Variants in DIRAS2 observed in about 807,000 individuals in gnomAD.
DIRAS2 encodes DIRAS family GTPase 2.
Under a neutral mutation model 13.9 loss-of-function variants are expected in DIRAS2, and 5 were observed. The ratio of observed to expected loss-of-function variants is 0.36; its 90% CI spans 0.19 to 0.76. The LOEUF (loss-of-function observed/expected upper bound fraction) is 0.76. Among genes scored for constraint, DIRAS2 ranks in the 30% least tolerant of loss-of-function variants. The probability of loss-of-function intolerance (pLI) is 0.53; values close to 1 mark genes in which losing one functional copy is unlikely to be tolerated. For missense variants in DIRAS2, 191 were observed against 263.0 expected (o/e 0.73, Z 1.89); for synonymous variants, 111 against 105.4 (o/e 1.05, Z -0.33).
At chr9:90,615,059 G>A (rs1406905297) in intron 1 of DIRAS2, among the ~76,000 whole-genome samples, 1 of 152,212 alleles carries the variant, frequency 6.6e-6, no homozygotes, top group Non-Finnish European at 1.5e-5. Context: ...ATTCTTCTCA[G>A]CAAGCAGGCA....
rs1163700163 is a variant in DIRAS2, at chr9:90,613,768, C to G, written c.60G>C (p.Lys20Asn). The G allele has an allele frequency of 6.2e-7, 1 of 1,614,066 alleles. No individual in the cohort carries two copies. Among genetic ancestry groups the G allele is most frequent in the African/African-American group, 1.3e-5 (1 of 74,926 alleles). Residue 20 changes from lysine to asparagine, a missense_variant, in exon 2 of 2, where the codon AAG (lysine) becomes AAC (asparagine). By Grantham distance (94) the Lys-to-Asn change is moderately conservative. Coordinates refer to ENST00000375765, the MANE Select transcript of DIRAS2 (RefSeq NM_017594.5). This position sits in a 1 kb window ranked among gnomAD's most constrained non-coding sequence, Gnocchi z 5.6. ...TCACAAACCTCAACACCAGGGAGCT[C>G]TTGCCAACACCGCCAGCCCCAAACA... The part of the protein sequence containing the change: ...VAVFGAGGVG[K>N]SSLVLRFVKG...
intron 1 of DIRAS2, among the ~76,000 whole-genome samples, chr9:90,624,922 T>G (rs2118560340): frequency 1.3e-5 from 2 of 152,290 alleles, no homozygotes; most frequent in East Asian, 3.9e-4. Context: ...CCCCCACACC[T>G]GGCCGCTTAA....
chr9:90,638,722 T>C (rs1825393012), intron 1 of DIRAS2, among the ~76,000 whole-genome samples: 1 of 135,992 alleles, frequency 7.4e-6, no homozygotes, highest in South Asian at 2.7e-4. Flanking sequence ...TCTAAGTTTG[T>C]ACAAAAATGG....
chr9:90,640,982 G>A (rs1825413815), intron 1 of DIRAS2, among the ~76,000 whole-genome samples: 1 of 152,052 alleles, frequency 6.6e-6, no homozygotes, highest in African/African-American at 2.4e-5. Flanking sequence ...CACCCCAGTT[G>A]TTTTTTAAAA....
In DIRAS2 at chr9:90,613,860, G is replaced by C. The variant is rs374710687; in HGVS notation, c.-33C>G. On this transcript the variant is annotated 5_prime_UTR_variant, in exon 2 of 2. Transcript: ENST00000375765. This position sits in a 1 kb window ranked among gnomAD's most constrained non-coding sequence, Gnocchi z 5.6. ...GAGAGCTCCAACTCTCAGCCAGGAC[G>C]CACCTAGCAAAGGAACCAGATGTTT... The C allele has an allele frequency of 1.1e-5, 17 of 1,577,316 alleles. No individual in the cohort carries two copies. In the African/African-American group the frequency reaches 1.9e-4, roughly 18 times the overall value.
At position 90,611,272 on chromosome 9, in the gene DIRAS2, G is replaced by T. The variant is rs1825110481; in HGVS notation, c.*1956C>A. ...AATCCTGCTTGAGGAATCTGAAGGG[G>T]GCCACGGGACTGGCCCAAATGCTCT... On this transcript the variant is annotated 3_prime_UTR_variant, in exon 2 of 2. Transcript: ENST00000375765. 1.3e-5 allele frequency: 2 copies of T among 152,190 alleles called. 1 individual carries two copies. Among genetic ancestry groups the T allele is most frequent in the African/African-American group, 4.8e-5 (2 of 41,432 alleles). The allele number at this position is 152,190 out of a possible 1,614,324, so 9.4% of individuals were successfully genotyped here.
At chr9:90,633,134 G>A (rs1352241895) in intron 1 of DIRAS2, among the ~76,000 whole-genome samples, 1 of 152,178 alleles carries the variant, frequency 6.6e-6, no homozygotes, top group Non-Finnish European at 1.5e-5. Context: ...GACATCACAG[G>A]CGGCTTGTAG....
chr9:90,618,351 C>T (rs689667), intron 1 of DIRAS2, among the ~76,000 whole-genome samples: 139,933 of 152,280 alleles, frequency 0.92, 64,569 homozygotes, highest in Middle Eastern at 0.99. Context: ...CAACAAATGA[C>T]GCTGAAACTG....
chr9:90,632,229 A>G (rs1472887607), intron 1 of DIRAS2, among the ~76,000 whole-genome samples: 1 of 152,142 alleles, frequency 6.6e-6, no homozygotes, highest in African/African-American at 2.4e-5. Flanking sequence ...CCCTGACAGT[A>G]ACAGCTAAGG....
At chr9:90,629,572 T>C (rs968494836) in intron 1 of DIRAS2, among the ~76,000 whole-genome samples, 1 of 151,978 alleles carries the variant, frequency 6.6e-6, no homozygotes, top group African/African-American at 2.4e-5. Flanking sequence ...CCAATACAGT[T>C]GTTCCTTTGT....
In DIRAS2 at chr9:90,613,785, C is replaced by T; in HGVS notation, c.43G>A (p.Ala15Thr). The T allele has an allele frequency of 1.9e-6, 3 of 1,614,056 alleles. No homozygotes were observed. Among genetic ancestry groups the T allele is most frequent in the Non-Finnish European group, 2.5e-6 (3 of 1,179,968 alleles). ...AGGGAGCTCTTGCCAACACCGCCAG[C>T]CCCAAACACGGCCACCCGGTAATCG... ...SNDYRVAVFG[A>T]GGVGKSSLVL... Residue 15 changes from alanine (A) to threonine (T), a missense_variant, in exon 2 of 2, where the codon GCT becomes ACT. Ala to Thr is a moderately conservative substitution (Grantham distance 58, BLOSUM62 0). Coordinates refer to ENST00000375765, the MANE Select transcript of DIRAS2 (RefSeq NM_017594.5). The surrounding 1 kb of genome is among the most constrained non-coding windows in gnomAD (Gnocchi z 5.6).
chr9:90,631,245 C>T (rs1398195682), intron 1 of DIRAS2, among the ~76,000 whole-genome samples: 8 of 152,110 alleles, frequency 5.3e-5, no homozygotes, highest in African/African-American at 1.9e-4. Flanking sequence ...GGTACAAACA[C>T]AGACGCTTGT....
intron 1 of DIRAS2, among the ~76,000 whole-genome samples, chr9:90,629,839 C>G (rs778208086): frequency 1.6e-4 from 25 of 152,032 alleles, no homozygotes; most frequent in Admixed American, 6.5e-4. Context: ...TCTTTTATTC[C>G]CATTTTTTTT....
Position 90,613,423 on chromosome 9 carries a change from C to T in DIRAS2, c.405G>A (p.Glu135=). ...ESPSREVQSS[E]AEALARTWKC... ...TCCATGTGCGGGCCAAGGCCTCCGC[C>T]TCGCTGCTCTGCACCTCGCGGCTGG... Residue 135 remains glutamate (E), a synonymous_variant, in exon 2 of 2, where the codon GAG becomes GAA. Transcript: ENST00000375765. The surrounding 1 kb of genome is among the most constrained non-coding windows in gnomAD (Gnocchi z 5.6). 1 of 1,614,158 alleles carries T rather than the reference C, an allele frequency of 6.2e-7. No individual in the cohort carries two copies. Among genetic ancestry groups the T allele is most frequent in the Non-Finnish European group, 8.5e-7 (1 of 1,180,032 alleles).
At chr9:90,640,135 A>C (rs1587728819) in intron 1 of DIRAS2, among the ~76,000 whole-genome samples, 1 of 152,248 alleles carries the variant, frequency 6.6e-6, no homozygotes, top group East Asian at 1.9e-4. Flanking sequence ...TATATCATTA[A>C]AATTAATTTC....
At chr9:90,617,844 T>G (rs1442531467) in intron 1 of DIRAS2, among the ~76,000 whole-genome samples, 1 of 151,794 alleles carries the variant, frequency 6.6e-6, no homozygotes, top group South Asian at 2.1e-4. Flanking sequence ...TCAAAAAGAG[T>G]AAGATACTTA....
chr9:90,625,752 A>T (rs991966369), intron 1 of DIRAS2: 1 of 152,228 alleles, frequency 6.6e-6, no homozygotes, highest in Non-Finnish European at 1.5e-5. Flanking sequence ...GAGAAGTATG[A>T]GTCTTCAACT....
chr9:90,640,658 T>C (rs555977815), intron 1 of DIRAS2, among the ~76,000 whole-genome samples: 4 of 152,346 alleles, frequency 2.6e-5, no homozygotes, highest in East Asian at 3.9e-4. Context: ...GATAGACTGA[T>C]GATAGATAGA....
chr9:90,623,147 G>T (rs200265880), intron 1 of DIRAS2, among the ~76,000 whole-genome samples: 1 of 152,084 alleles, frequency 6.6e-6, no homozygotes, highest in Non-Finnish European at 1.5e-5. Flanking sequence ...GCTTATCTGA[G>T]CTCTCTGTGT....
Sources: gnomAD v4.1 joint callset for allele counts (sites outside exome capture counted in the v4.1 genomes callset) on GRCh38, gnomAD v4.1.1 for gene constraint, Gnocchi (gnomAD v3.1) non-coding constraint, MANE v1.5 for transcripts, NCBI Gene and HGNC (gene_info 2026-07-23, HGNC 2026-07-21) for gene names.